The following FAM53A variants were observed in gnomAD, a reference collection of about 807,000 sequenced individuals.
FAM53A encodes the protein protein FAM53A.
Under a neutral mutation model 26.6 loss-of-function variants are expected in FAM53A, and 28 were observed. The ratio of observed to expected loss-of-function variants is 1.05; its 90% CI spans 0.78 to 1.45. The LOEUF (loss-of-function observed/expected upper bound fraction) is 1.45, where lower values mean the gene tolerates loss of function less well. Ranked by LOEUF, FAM53A falls within the 40% of genes most tolerant of loss-of-function variation. The probability of loss-of-function intolerance (pLI) is 0.00; values close to 1 mark genes in which losing one functional copy is unlikely to be tolerated. For synonymous variants in FAM53A, 290 were observed against 253.1 expected, an observed-to-expected ratio of 1.15 and a Z score of -1.38; for missense variants, 650 against 575.8, an observed-to-expected ratio of 1.13 and a Z score of -1.32.
chr4:1,676,487 C>G (rs1715052814), intron 1 of FAM53A, among the ~76,000 whole-genome samples: 1 of 152,124 alleles, frequency 6.6e-6, no homozygotes, highest in South Asian at 2.1e-4. Context: ...GGGGCCGGAC[C>G]TCACTCAACC....
At chr4:1,625,434 C>A (rs866120879) in intron 1 of FAM53A, among the ~76,000 whole-genome samples, 1 of 74,506 alleles carries the variant, frequency 1.3e-5, no homozygotes, top group Non-Finnish European at 2.5e-5. Flanking sequence ...CAGGGTCACA[C>A]CAGGTGATCA....
chr4:1,649,134 G>GGGGAAGGGGAAA (rs1393078906), intron 4 of FAM53A, among the ~76,000 whole-genome samples: 25 of 127,184 alleles, frequency 2.0e-4, no homozygotes, highest in African/African-American at 4.2e-4. Context: ...GGAAGGGGAA[G>GGGGAAGGGGAAA]GGGAAGGGGA....
chr4:1,609,565 G>A, the FAM53A span, among the ~76,000 whole-genome samples: 5 of 152,024 alleles, frequency 3.3e-5, no homozygotes, highest in African/African-American at 9.7e-5. Flanking sequence ...TTCCCCCTTC[G>A]CCAGGCTCTC....
chr4:1,674,443 G>A (rs1020819255), intron 1 of FAM53A, among the ~76,000 whole-genome samples: 2 of 152,214 alleles, frequency 1.3e-5, no homozygotes, highest in South Asian at 4.1e-4. Flanking sequence ...GCCGAGGCAG[G>A]CAAATCACAA....
chr4:1,621,101 C>CTTTTTTTTTT (rs574102929), intron 1 of FAM53A, among the ~76,000 whole-genome samples: 14,928 of 94,584 alleles, frequency 0.16, 2,282 homozygotes, highest in Non-Finnish European at 0.2. Context: ...AGCTACGCTA[C>CTTTTTTTTTT]TTTTTTTTTT....
chr4:1,581,310 G>A, the FAM53A span, among the ~76,000 whole-genome samples: 5 of 152,040 alleles, frequency 3.3e-5, no homozygotes, highest in Admixed American at 1.3e-4. Context: ...CCCAGGCCCC[G>A]CCCCTCACCC....
the FAM53A span, among the ~76,000 whole-genome samples, chr4:1,585,818 A>C: frequency 4.6e-5 from 7 of 152,046 alleles, no homozygotes; most frequent in African/African-American, 1.7e-4. Context: ...TTGACTTCCC[A>C]GGCTCAGGTG....
Position 1,641,344 on chromosome 4 carries a change from G to A in FAM53A, c.1146C>T (p.Val382=). ...RDGDSVGEEG[V]FPRARWELDL... is the part of the protein sequence containing the mutation. ...CCAGCTCCCAGCGGGCCCGGGGGAA[G>A]ACGCCCTCCTCCCCGACACTGTCCC... Residue 382 remains valine (V), a synonymous_variant, in exon 5 of 5, where the codon GTC becomes GTT. Transcript: ENST00000308132. 6.2e-7 allele frequency: 1 copy of A among 1,611,446 alleles called. No individual in the cohort carries two copies. Among genetic ancestry groups the A allele is most frequent in the South Asian group, 1.1e-5 (1 of 90,840 alleles).
At chr4:1,602,765 C>T in the FAM53A span, among the ~76,000 whole-genome samples, 1 of 152,112 alleles carries the variant, frequency 6.6e-6, no homozygotes, top group Admixed American at 6.5e-5. Flanking sequence ...GTCCCGGAAC[C>T]CAGGGGTCTC....
the FAM53A span, among the ~76,000 whole-genome samples, chr4:1,582,551 C>T: frequency 5.6e-4 from 86 of 152,314 alleles, no homozygotes; most frequent in African/African-American, 2.0e-3. Context: ...GGAGGCTGAC[C>T]TTGGCCTCAG....
chr4:1,665,562 C>T (rs1358906556), intron 2 of FAM53A, among the ~76,000 whole-genome samples: 1 of 152,058 alleles, frequency 6.6e-6, no homozygotes, highest in Non-Finnish European at 1.5e-5. Context: ...ATAGAAACCA[C>T]CGCCATATTC....
downstream of FAM53A, among the ~76,000 whole-genome samples, chr4:1,636,847 G>C (rs966322882): frequency 6.6e-6 from 1 of 152,182 alleles, no homozygotes; most frequent in Non-Finnish European, 1.5e-5. Flanking sequence ...TCCACCCAAA[G>C]GCCAGCCAGG....
At chr4:1,596,714 G>A in the FAM53A span, among the ~76,000 whole-genome samples, 1 of 152,220 alleles carries the variant, frequency 6.6e-6, no homozygotes, top group East Asian at 1.9e-4. Context: ...GGTACATGCG[G>A]GTTGCTTCCA....
downstream of FAM53A, among the ~76,000 whole-genome samples, chr4:1,613,917 G>A (rs1192256968): frequency 6.6e-6 from 1 of 152,242 alleles, no homozygotes. Flanking sequence ...CACGCAAAGA[G>A]GGAGAGGCTG....
At position 1,655,323 on chromosome 4, in the gene FAM53A, G is replaced by A; in HGVS notation, c.537C>T (p.Pro179=). ...ACGGCCGGGGCGTGGCGGGCGAGGT[G>A]GGACCGGTCGACCACACAGCACTCC... ...LPRSAVWSTG[P]TSPATPRPSS... The change falls in exon 4 of 5, where the codon CCC becomes CCT. Residue 179 remains proline (P), a synonymous_variant. Coordinates refer to ENST00000308132, the MANE Select transcript of FAM53A (RefSeq NM_001174070.3). The A allele has an allele frequency of 7.0e-7, 1 of 1,420,320 alleles. No homozygotes were observed. Among genetic ancestry groups the A allele is most frequent in the Non-Finnish European group, 9.2e-7 (1 of 1,092,728 alleles). The allele number at this position is 1,420,320 out of a possible 1,614,324, so 88.0% of individuals were successfully genotyped here. A position where few individuals can be genotyped will look rare whatever the true frequency, so the allele number is the denominator to read the frequency against.
chr4:1,614,673 T>C (rs1044713164), downstream of FAM53A, among the ~76,000 whole-genome samples: 3 of 152,118 alleles, frequency 2.0e-5, no homozygotes, highest in African/African-American at 7.2e-5. Context: ...CTCCTGCTCC[T>C]GGGGGCAGCC....
the FAM53A span, among the ~76,000 whole-genome samples, chr4:1,612,007 T>C: frequency 6.6e-6 from 1 of 152,172 alleles, no homozygotes; most frequent in Non-Finnish European, 1.5e-5. Flanking sequence ...TGGAGAAATC[T>C]CCCGGAAAAT....
the FAM53A span, among the ~76,000 whole-genome samples, chr4:1,601,845 G>A: frequency 1.7e-5 from 1 of 59,348 alleles, no homozygotes; most frequent in African/African-American, 4.6e-5. Context: ...CAAACTAGAC[G>A]GGTGGCCAAT....
At chr4:1,639,675 G>C (rs771650614), downstream of FAM53A, among the ~76,000 whole-genome samples, 1 of 152,200 alleles carries the variant, frequency 6.6e-6, no homozygotes, top group Non-Finnish European at 1.5e-5. Flanking sequence ...GCAGGGCAGA[G>C]GCAGGAGGGT....
Sources: gnomAD v4.1 joint callset for allele counts (sites outside exome capture counted in the v4.1 genomes callset) on GRCh38, gnomAD v4.1.1 for gene constraint, MANE v1.5 for transcripts, NCBI Gene and HGNC (gene_info 2026-07-23, HGNC 2026-07-21) for gene names.